DOK6: variants seen among roughly 807,000 people sequenced by gnomAD.
The protein encoded by DOK6 is docking protein 6, also known as downstream of tyrosine kinase 6.
DOK6 carries 22 observed loss-of-function variants against 44.0 expected under a neutral mutation model. The ratio of observed to expected loss-of-function variants is 0.50; its 90% CI spans 0.36 to 0.71. The LOEUF (loss-of-function observed/expected upper bound fraction) is 0.71. Among genes scored for constraint, DOK6 ranks in the 30% least tolerant of loss-of-function variants. The probability of loss-of-function intolerance (pLI) is 0.00; values close to 1 mark genes in which losing one functional copy is unlikely to be tolerated. For synonymous variants in DOK6, 166 were observed against 145.5 expected (o/e 1.14, Z -1.01); for missense variants, 340 against 416.4 (o/e 0.82, Z 1.60).
intron 1 of DOK6, among the ~76,000 whole-genome samples, chr18:69,510,584 G>A (rs1318298803): frequency 2.0e-5 from 3 of 152,112 alleles, no homozygotes; most frequent in Admixed American, 6.5e-5. Context: ...CATTACCAAC[G>A]TGAATACATT....
At chr18:69,416,193 C>T (rs113628724) in intron 1 of DOK6, among the ~76,000 whole-genome samples, 152 of 10,520 alleles carry the variant, frequency 0.014, no homozygotes, top group African/African-American at 0.039. Context: ...AAGGAAGGAA[C>T]GAAGGAAGGA....
At chr18:69,410,939 C>T (rs1599117904) in intron 1 of DOK6, among the ~76,000 whole-genome samples, 1 of 152,228 alleles carries the variant, frequency 6.6e-6, no homozygotes, top group Non-Finnish European at 1.5e-5. Flanking sequence ...ACAGTTGCTA[C>T]CCTGCAACAC....
At chr18:69,619,948 G>A (rs551972109) in intron 3 of DOK6, among the ~76,000 whole-genome samples, 1 of 152,170 alleles carries the variant, frequency 6.6e-6, no homozygotes, top group East Asian at 1.9e-4. Flanking sequence ...AATAATAAGT[G>A]ATGTTTCCTT....
chr18:69,558,167 T>G (rs1982735275), intron 1 of DOK6, among the ~76,000 whole-genome samples: 1 of 152,146 alleles, frequency 6.6e-6, no homozygotes, highest in African/African-American at 2.4e-5. Context: ...CTGGAATTTC[T>G]CCAACACTCT....
chr18:69,736,332 A>T (rs749360120), intron 5 of DOK6, among the ~76,000 whole-genome samples: 1 of 152,198 alleles, frequency 6.6e-6, no homozygotes, highest in Non-Finnish European at 1.5e-5. Context: ...ACAAAAACAA[A>T]GAAAATTCTG....
At chr18:69,667,132 C>A (rs1239972070) in intron 3 of DOK6, among the ~76,000 whole-genome samples, 1 of 152,154 alleles carries the variant, frequency 6.6e-6, no homozygotes, top group South Asian at 2.1e-4. Context: ...CTGCCTCTTT[C>A]ATCTCTAGAA....
intron 5 of DOK6, among the ~76,000 whole-genome samples, chr18:69,727,012 G>A (rs544592182): frequency 1.3e-5 from 2 of 152,186 alleles, no homozygotes; most frequent in South Asian, 4.2e-4. Context: ...ATGCTGCCAT[G>A]CCTGGCTAAG....
chr18:69,477,938 C>T (rs1350619673), intron 1 of DOK6, among the ~76,000 whole-genome samples: 1 of 152,076 alleles, frequency 6.6e-6, no homozygotes, highest in African/African-American at 2.4e-5. Context: ...TAGGCCGAAT[C>T]TGTCACAAAA....
At chr18:69,815,377 T>C (rs1981368347) in intron 7 of DOK6, among the ~76,000 whole-genome samples, 2 of 152,318 alleles carry the variant, frequency 1.3e-5, no homozygotes, top group African/African-American at 4.8e-5. Context: ...TTCTGTGATT[T>C]GGAACTCATC....
At chr18:69,760,536 G>A (rs992504104) in intron 7 of DOK6, among the ~76,000 whole-genome samples, 1 of 152,122 alleles carries the variant, frequency 6.6e-6, no homozygotes, top group East Asian at 1.9e-4. Context: ...AGTTCACCTT[G>A]GGAGAAAGCA....
intron 1 of DOK6, among the ~76,000 whole-genome samples, chr18:69,527,847 A>G (rs1158895279): frequency 1.3e-5 from 2 of 152,198 alleles, no homozygotes; most frequent in African/African-American, 2.4e-5. Flanking sequence ...AGTTATAATC[A>G]TAAAGGTTAC....
intron 1 of DOK6, among the ~76,000 whole-genome samples, chr18:69,419,993 A>G (rs1204818110): frequency 6.6e-6 from 1 of 152,120 alleles, no homozygotes; most frequent in Non-Finnish European, 1.5e-5. Context: ...GCAATAATAT[A>G]TTTTATATCT....
At chr18:69,670,245 A>C (rs1056687044) in intron 3 of DOK6, among the ~76,000 whole-genome samples, 1 of 152,184 alleles carries the variant, frequency 6.6e-6, no homozygotes, top group African/African-American at 2.4e-5. Context: ...TGGTACAGAG[A>C]AACAGTTTTA....
At chr18:69,552,999 T>C (rs1485149494) in intron 1 of DOK6, among the ~76,000 whole-genome samples, 1 of 152,262 alleles carries the variant, frequency 6.6e-6, no homozygotes, top group Middle Eastern at 3.2e-3. Context: ...AAATATTCTT[T>C]AATTGGCTTT....
At chr18:69,432,264 A>G (rs1978826999) in intron 1 of DOK6, among the ~76,000 whole-genome samples, 1 of 152,142 alleles carries the variant, frequency 6.6e-6, no homozygotes, top group Admixed American at 6.6e-5. Flanking sequence ...GCAACATGGC[A>G]AGAACCTGTC....
intron 1 of DOK6, among the ~76,000 whole-genome samples, chr18:69,558,132 G>A (rs1445825244): frequency 2.6e-5 from 4 of 151,964 alleles, no homozygotes; most frequent in Non-Finnish European, 5.9e-5. Flanking sequence ...TCCTGGTCTC[G>A]GGCAGTCATT....
At chr18:69,661,530 T>A (rs529077585) in intron 3 of DOK6, 2 of 152,278 alleles carry the variant, frequency 1.3e-5, no homozygotes, top group South Asian at 4.1e-4. Context: ...CATAAGTAAC[T>A]CAGTCAGGTG....
intron 2 of DOK6, among the ~76,000 whole-genome samples, chr18:69,596,209 A>T (rs1288453839): frequency 6.6e-6 from 1 of 152,190 alleles, no homozygotes; most frequent in African/African-American, 2.4e-5. Context: ...ACTTTAAAAG[A>T]TCCCAAATTG....
At chr18:69,552,296 T>TTA (rs1172600679) in intron 1 of DOK6, among the ~76,000 whole-genome samples, 2 of 152,024 alleles carry the variant, frequency 1.3e-5, no homozygotes, top group Non-Finnish European at 2.9e-5. Flanking sequence ...TGGAAATATA[T>TTA]TAATAAGTAG....
Sources: gnomAD v4.1 joint callset for allele counts (sites outside exome capture counted in the v4.1 genomes callset) on GRCh38, gnomAD v4.1.1 for gene constraint, MANE v1.5 for transcripts, NCBI Gene and HGNC (gene_info 2026-07-23, HGNC 2026-07-21) for gene names.